The following ARID5B variants were observed in gnomAD, a reference collection of about 807,000 sequenced individuals.
ARID5B encodes the protein AT-rich interactive domain-containing protein 5B.
In ARID5B, 13 loss-of-function variants were observed where a neutral mutation model predicts 97.2. The ratio of observed to expected loss-of-function variants is 0.13; its 90% CI spans 0.09 to 0.21. The LOEUF is 0.21. Among genes scored for constraint, ARID5B ranks in the 10% least tolerant of loss-of-function variants. The probability of loss-of-function intolerance (pLI) is 1.00; values close to 1 mark genes in which losing one functional copy is unlikely to be tolerated. For synonymous variants in ARID5B, 556 were observed against 570.3 expected, an observed-to-expected ratio of 0.97 and a Z score of 0.36; for missense variants, 1,210 against 1,465.3, an observed-to-expected ratio of 0.83 and a Z score of 2.84.
chr10:61,935,240 A>G (rs2393783), intron 2 of ARID5B, among the ~76,000 whole-genome samples: 128,918 of 152,056 alleles, frequency 0.85, 54,855 homozygotes, highest in African/African-American at 0.9. Context: ...CACAATAAAA[A>G]GAGGTATGCC....
chr10:62,056,743 G>A (rs903795028), intron 5 of ARID5B, among the ~76,000 whole-genome samples: 1 of 152,066 alleles, frequency 6.6e-6, no homozygotes, highest in African/African-American at 2.4e-5. Flanking sequence ...AAAGAAGCTG[G>A]CATAGTTTGG....
chr10:61,919,036 TCCCCCC>T (rs71022105), intron 2 of ARID5B, among the ~76,000 whole-genome samples: 1 of 63,420 alleles, frequency 1.6e-5, no homozygotes, highest in Non-Finnish European at 2.8e-5. Flanking sequence ...CCTGACTCCG[TCCCCCC>T]CCCCCCCCCC....
At chr10:61,916,732 T>A (rs2132764928) in intron 2 of ARID5B, among the ~76,000 whole-genome samples, 1 of 152,048 alleles carries the variant, frequency 6.6e-6, no homozygotes, top group South Asian at 2.1e-4. Context: ...AAACGGGAAG[T>A]ATAAGAAAAG....
intron 4 of ARID5B, among the ~76,000 whole-genome samples, chr10:62,040,972 G>A (rs1415356210): frequency 6.6e-6 from 1 of 152,156 alleles, no homozygotes. Flanking sequence ...CTTTACATTA[G>A]GGTTTCTGAT....
chr10:62,076,804 G>T (rs76657807), intron 8 of ARID5B, among the ~76,000 whole-genome samples: 2,361 of 152,196 alleles, frequency 0.016, 24 homozygotes, highest in South Asian at 0.025. Flanking sequence ...TTATCCTAAG[G>T]TGCGGTGGGT....
intron 8 of ARID5B, 75 bp from the exon 9 acceptor site, chr10:62,085,627 G>T: frequency 1.6e-6 from 2 of 1,252,456 alleles, no homozygotes; most frequent in Non-Finnish European, 2.2e-6. Context: ...ATTGAGAAAA[G>T]AAAGTAAACC....
intron 4 of ARID5B, among the ~76,000 whole-genome samples, chr10:62,007,134 G>A (rs908695865): frequency 5.9e-5 from 9 of 152,146 alleles, no homozygotes; most frequent in Non-Finnish European, 1.2e-4. Flanking sequence ...CAAAAGTGCT[G>A]GTCTGGGGTA....
At position 62,085,051 on chromosome 10, in the gene ARID5B, G is replaced by A. The variant is rs7906079; in HGVS notation, c.1200-651G>A. Among the ~76,000 whole-genome samples the A allele has an allele frequency of 3.9e-5, 6 of 152,226 alleles. No homozygotes were observed. The East Asian group carries it at 5.8e-4, about 15-fold the overall frequency. On this transcript the variant is annotated intron_variant, in intron 8 of 9. Transcript: ENST00000279873. ...ATCTTGACATGAATGAAAATAAAAT[G>A]TTTTCAGATGGGCAGCACTAGGTTC...
At chr10:62,005,985 A>G (rs927829721) in intron 4 of ARID5B, among the ~76,000 whole-genome samples, 1 of 152,218 alleles carries the variant, frequency 6.6e-6, no homozygotes, top group African/African-American at 2.4e-5. Flanking sequence ...GATCTCCCAA[A>G]TGATAAGAAG....
At chr10:62,001,513 T>G (rs1279766969) in intron 4 of ARID5B, among the ~76,000 whole-genome samples, 1 of 152,218 alleles carries the variant, frequency 6.6e-6, no homozygotes, top group Admixed American at 6.5e-5. Context: ...TTTGCAGACC[T>G]TGGTATGGTT....
chr10:62,087,255 G>GT (rs11448312), intron 9 of ARID5B, among the ~76,000 whole-genome samples: 2 of 134,814 alleles, frequency 1.5e-5, no homozygotes, highest in South Asian at 4.9e-4. Context: ...GCCGAGATCA[G>GT]GCCACTGCAC....
intron 5 of ARID5B, among the ~76,000 whole-genome samples, chr10:62,052,080 ACT>A (rs1839797931): frequency 6.6e-6 from 1 of 152,174 alleles, no homozygotes; most frequent in Non-Finnish European, 1.5e-5. Context: ...AATTTTAAGG[ACT>A]TTTTTGCTTA....
chr10:62,029,769 C>T (rs749559729), intron 4 of ARID5B, among the ~76,000 whole-genome samples: 2 of 152,182 alleles, frequency 1.3e-5, no homozygotes, highest in South Asian at 2.1e-4. Context: ...TTCAGATTTT[C>T]GACTCAATGT....
chr10:61,958,748 T>C (rs1178804574), intron 3 of ARID5B, among the ~76,000 whole-genome samples: 1 of 152,236 alleles, frequency 6.6e-6, no homozygotes. Context: ...ACCCTGTGCT[T>C]GATGTTAAAT....
chr10:61,957,715 T>G (rs1838411329), intron 3 of ARID5B, among the ~76,000 whole-genome samples: 1 of 152,226 alleles, frequency 6.6e-6, no homozygotes, highest in African/African-American at 2.4e-5. Context: ...GAAATAATAT[T>G]TTTGATATGT....
chr10:62,077,935 G>C (rs1259113046), intron 8 of ARID5B, among the ~76,000 whole-genome samples: 2 of 152,172 alleles, frequency 1.3e-5, no homozygotes, highest in Non-Finnish European at 2.9e-5. Flanking sequence ...AGTATCATAT[G>C]ACAGAAGAAT....
rs74156105 is a variant in ARID5B, at chr10:62,082,311, T to C, written c.1200-3391T>C. On this transcript the variant is annotated intron_variant, in intron 8 of 9. Coordinates refer to ENST00000279873, the MANE Select transcript of ARID5B (RefSeq NM_032199.3). ...ATAATAATAAAGGCCCATTTATCTG[T>C]CCAGCTTTCAATCCCCAGACTAGAT... 4.9e-3 allele frequency among the ~76,000 whole-genome samples: 748 copies of C among 152,336 alleles called. 4 individuals are homozygous for C. Among genetic ancestry groups the C allele is most frequent in the African/African-American group, 0.017 (708 of 41,576 alleles).
intron 2 of ARID5B, among the ~76,000 whole-genome samples, chr10:61,916,606 C>G (rs138127251): frequency 6.6e-6 from 1 of 152,180 alleles, no homozygotes; most frequent in Admixed American, 6.5e-5. Context: ...GTAACTTGTC[C>G]GGGTTTCCAA....
chr10:61,983,728 T>C (rs1319479408), intron 3 of ARID5B, among the ~76,000 whole-genome samples: 2 of 151,838 alleles, frequency 1.3e-5, no homozygotes, highest in African/African-American at 4.8e-5. Flanking sequence ...CCATGGAAGT[T>C]GTGGCAAGCC....
Sources: allele counts gnomAD v4.1 joint callset (sites outside exome capture counted in the v4.1 genomes callset), GRCh38; gene constraint gnomAD v4.1.1; transcripts MANE v1.5; gene names NCBI Gene and HGNC (gene_info 2026-07-23, HGNC 2026-07-21).